The following RRN3 variants were observed in gnomAD, a reference collection of about 807,000 sequenced individuals.
The protein encoded by RRN3 is RNA polymerase I transcription factor RRN3.
Under a neutral mutation model 82.3 loss-of-function variants are expected in RRN3, and 38 were observed. The ratio of observed to expected loss-of-function variants is 0.46; its 90% CI spans 0.36 to 0.61. The LOEUF (loss-of-function observed/expected upper bound fraction) is 0.61, where lower values mean the gene tolerates loss of function less well. Among genes scored for constraint, RRN3 ranks in the 20% least tolerant of loss-of-function variants. RRN3 has a pLI of 0.00. For synonymous variants in RRN3, 284 were observed against 284.3 expected, an observed-to-expected ratio of 1.00 and a Z score of 0.01; for missense variants, 726 against 793.1, an observed-to-expected ratio of 0.92 and a Z score of 1.02.
At chr16:15,069,868 T>C (rs1401297832) in intron 14 of RRN3, among the ~76,000 whole-genome samples, 1 of 152,176 alleles carries the variant, frequency 6.6e-6, no homozygotes, top group Non-Finnish European at 1.5e-5. Flanking sequence ...CTTAAGGGGT[T>C]TGTAGGGTTC....
At chr16:15,085,306 G>A (rs912103325) in intron 6 of RRN3, among the ~76,000 whole-genome samples, 3 of 146,902 alleles carry the variant, frequency 2.0e-5, no homozygotes, top group African/African-American at 7.4e-5. Context: ...TAGAATAGGT[G>A]CCAGGTATTC....
At chr16:15,079,874 G>A in intron 9 of RRN3, 124 bp downstream of exon 9, 1 of 1,149,600 alleles carries the variant, frequency 8.7e-7, no homozygotes, top group East Asian at 2.8e-5. Flanking sequence ...TGGGAATACA[G>A]GCGTGAGTCA....
chr16:15,061,608 C>A lies in RRN3; in HGVS notation c.*136G>T, dbSNP rs2044712382. On this transcript the variant is annotated 3_prime_UTR_variant, in exon 18 of 18. Coordinates refer to ENST00000198767, the MANE Select transcript of RRN3 (RefSeq NM_018427.5). ...CTTCAGATGCTTGATTCAGTCGAAC[C>A]TGGAAGTGCCACAGCCGAGGCAGGC... The A allele has an allele frequency of 1.4e-6, 1 of 703,758 alleles. No homozygotes were observed. Among genetic ancestry groups the A allele is most frequent in the Admixed American group, 3.0e-5 (1 of 33,774 alleles). 43.6% of individuals were successfully genotyped at this position (703,758 alleles called of 1,614,324 possible). A position where few individuals can be genotyped will look rare whatever the true frequency, so the allele number is the denominator to read the frequency against.
At chr16:15,062,511 T>C (rs994031544) in intron 17 of RRN3, among the ~76,000 whole-genome samples, 1 of 152,242 alleles carries the variant, frequency 6.6e-6, no homozygotes, top group Non-Finnish European at 1.5e-5. Flanking sequence ...TCTTTATTAC[T>C]GGATTCTAAC....
intron 12 of RRN3, 91 bp downstream of exon 12, chr16:15,072,859 C>T (rs1180777793): frequency 7.8e-7 from 1 of 1,284,782 alleles, no homozygotes; most frequent in Non-Finnish European, 1.1e-6. Flanking sequence ...GAATTATTTA[C>T]TTCATGGTCT....
chr16:15,079,785 C>T (rs555463473), intron 9 of RRN3, among the ~76,000 whole-genome samples: 35 of 152,194 alleles, frequency 2.3e-4, no homozygotes, highest in Non-Finnish European at 4.1e-4. Context: ...TTTATAGAGA[C>T]GGGGTTTCGC....
chr16:15,076,963 T>C (rs994512068), intron 9 of RRN3, among the ~76,000 whole-genome samples: 175 of 149,314 alleles, frequency 1.2e-3, no homozygotes, highest in Non-Finnish European at 9.3e-4. Flanking sequence ...TCTGGCTCTG[T>C]GTCCCCACCC....
chr16:15,063,719 A>G (rs1201999858), intron 16 of RRN3, among the ~76,000 whole-genome samples: 4 of 151,108 alleles, frequency 2.6e-5, no homozygotes, highest in African/African-American at 9.7e-5. Flanking sequence ...AAAAAAAAAA[A>G]AAAGAAAAAA....
chr16:15,066,457 AC>A (rs1320467552), intron 15 of RRN3, among the ~76,000 whole-genome samples: 2 of 151,762 alleles, frequency 1.3e-5, no homozygotes, highest in Non-Finnish European at 2.9e-5. Context: ...ACATGATGAA[AC>A]CCCATCTCTA....
At chr16:15,082,081 T>A (rs1048788086) in intron 8 of RRN3, among the ~76,000 whole-genome samples, 1 of 152,198 alleles carries the variant, frequency 6.6e-6, no homozygotes, top group Non-Finnish European at 1.5e-5. Context: ...TTCCTTTCCA[T>A]CTGGATGCTT....
At chr16:15,064,399 T>G (rs1380637391) in intron 16 of RRN3, among the ~76,000 whole-genome samples, 1 of 152,152 alleles carries the variant, frequency 6.6e-6, no homozygotes, top group Non-Finnish European at 1.5e-5. Flanking sequence ...GGTCTTGAAC[T>G]CCTGACTTCA....
At chr16:15,071,714 G>A (rs1014116081) in intron 12 of RRN3, among the ~76,000 whole-genome samples, 6 of 152,222 alleles carry the variant, frequency 3.9e-5, no homozygotes, top group Non-Finnish European at 8.8e-5. Flanking sequence ...GTTGCAGTGA[G>A]CTGAGATCAT....
At position 15,063,185 on chromosome 16, in the gene RRN3, C is replaced by A. The variant is rs2044789293; in HGVS notation, c.1794+11G>T. On this transcript the variant is annotated intron_variant, in intron 17 of 17. Coordinates refer to ENST00000198767, the MANE Select transcript of RRN3 (RefSeq NM_018427.5). ...GATTCCGAGAGTGTGCTCAATCAATCACAAACTGACCTTTTTCATGGGTTT... is the reference window on the plus strand; with the variant it reads ...GATTCCGAGAGTGTGCTCAATCAATAACAAACTGACCTTTTTCATGGGTTT... The A allele has an allele frequency of 6.4e-7, 1 of 1,571,664 alleles. No homozygotes were observed. Among genetic ancestry groups the A allele is most frequent in the Admixed American group, 1.7e-5 (1 of 59,936 alleles).
chr16:15,093,126 T>C (rs2046204918), intron 1 of RRN3, among the ~76,000 whole-genome samples: 1 of 152,076 alleles, frequency 6.6e-6, no homozygotes, highest in Admixed American at 6.5e-5. Context: ...TGCCTCAGCC[T>C]CCTGAGTAGC....
chr16:15,094,125 G>T lies in RRN3; in HGVS notation c.89+20C>A. 1 of 1,581,056 alleles carries T rather than the reference G, an allele frequency of 6.3e-7. No homozygotes were observed. Among genetic ancestry groups the T allele is most frequent in the Non-Finnish European group, 8.6e-7 (1 of 1,161,418 alleles). On this transcript the variant is annotated intron_variant, in intron 1 of 17. Transcript: ENST00000198767. ...GAGCTTTCGTCCCAGATACGCAGAA[G>T]GAAGCGGCCTGAATCTTACCCAGTC...
intron 3 of RRN3, among the ~76,000 whole-genome samples, chr16:15,087,070 T>A (rs1363812902): frequency 1.3e-5 from 2 of 152,208 alleles, no homozygotes; most frequent in African/African-American, 4.8e-5. Flanking sequence ...TGAAACGCAA[T>A]GTATAAAATA....
At chr16:15,086,725 C>T (rs1213302381) in intron 3 of RRN3, among the ~76,000 whole-genome samples, 2 of 152,134 alleles carry the variant, frequency 1.3e-5, no homozygotes, top group Non-Finnish European at 2.9e-5. Context: ...CCTGAAAAAG[C>T]GAAATCACCT....
rs1434363843 is a variant in RRN3 at position 15,061,299 on chromosome 16, A to G, written c.*445T>C. 2 of 159,712 alleles carry G rather than the reference A, an allele frequency of 1.3e-5. No homozygotes were observed. Among genetic ancestry groups the G allele is most frequent in the Non-Finnish European group, 2.7e-5 (2 of 73,350 alleles). 9.9% of individuals were successfully genotyped at this position (159,712 alleles called of 1,614,324 possible). On this transcript the variant is annotated 3_prime_UTR_variant, in exon 18 of 18. Coordinates refer to ENST00000198767, the MANE Select transcript of RRN3 (RefSeq NM_018427.5). The stretch of plus-strand genomic sequence containing the variant: ...TAAACACTTTCTAGTTAAAGTCTTT[A>G]AATAGAAGTTTTATCTTAGAGGATT...
At position 15,061,820 on chromosome 16, in the gene RRN3, A is replaced by T. The variant is rs1323944068; in HGVS notation, c.1880T>A (p.Phe627Tyr). 1 of 1,614,202 alleles carries T rather than the reference A, an allele frequency of 6.2e-7. No individual in the cohort carries two copies. Among genetic ancestry groups the T allele is most frequent in the Non-Finnish European group, 8.5e-7 (1 of 1,180,000 alleles). The change falls in exon 18 of 18, where the codon TTT becomes TAT. Residue 627 changes from phenylalanine (F) to tyrosine (Y), a missense_variant. By Grantham distance (22) the Phe-to-Tyr change is conservative. Coordinates refer to ENST00000198767, the MANE Select transcript of RRN3 (RefSeq NM_018427.5). ...DTVIGITPSS[F>Y]DTHFRSPSSS... ...TGAAGGACTTCGGAAATGCGTGTCA[A>T]AGGAGCTTGGTGTGATCCCAATCAC...
Sources: gnomAD v4.1 joint callset for allele counts (sites outside exome capture counted in the v4.1 genomes callset) on GRCh38, gnomAD v4.1.1 for gene constraint, MANE v1.5 for transcripts, NCBI Gene and HGNC (gene_info 2026-07-23, HGNC 2026-07-21) for gene names.